KCNG2: variants seen among roughly 807,000 people sequenced by gnomAD.
KCNG2 encodes potassium voltage-gated channel modifier subfamily G member 2, also known as voltage-gated potassium channel regulatory subunit KCNG2.
Under a neutral mutation model 12.3 loss-of-function variants are expected in KCNG2, and 7 were observed. The ratio of observed to expected loss-of-function variants is 0.57; its 90% confidence interval spans 0.32 to 1.07. KCNG2 has a LOEUF of 1.07. Ranked by LOEUF, KCNG2 falls within the 50% of genes least tolerant of loss-of-function variation. The pLI is 0.04. For missense variants in KCNG2, 703 were observed against 726.0 expected, an observed-to-expected ratio of 0.97 and a Z score of 0.36; for synonymous variants, 414 against 351.4, an observed-to-expected ratio of 1.18 and a Z score of -1.99.
chr18:79,825,802 G>A (rs1162566858), intron 1 of KCNG2, among the ~76,000 whole-genome samples: 2 of 152,168 alleles, frequency 1.3e-5, no homozygotes, highest in African/African-American at 4.8e-5. Context: ...TCGTCTGGGG[G>A]AAAATACAGA....
intron 3 of KCNG2, among the ~76,000 whole-genome samples, chr18:79,882,075 CAT>C (rs1271030225): frequency 1.3e-5 from 2 of 151,850 alleles, no homozygotes; most frequent in Non-Finnish European, 3.0e-5. Context: ...TGGCCCTAAA[CAT>C]ATAACATTTA....
chr18:79,871,069 C>T (rs1048003777), intron 3 of KCNG2, among the ~76,000 whole-genome samples: 1 of 151,980 alleles, frequency 6.6e-6, no homozygotes, highest in Non-Finnish European at 1.5e-5. Flanking sequence ...TGGTTTCCGT[C>T]GAGCCTGAGG....
chr18:79,827,659 C>A lies in KCNG2; in HGVS notation c.-114-28720C>A, dbSNP rs377699896. Among the ~76,000 whole-genome samples, 109 of 152,182 alleles carry A rather than the reference C, an allele frequency of 7.2e-4. 1 individual carries two copies. In the East Asian group the frequency reaches 0.017, roughly 24 times the overall value. On this transcript the variant is annotated intron_variant, in intron 1 of 3. Coordinates refer to ENST00000316249, the MANE Select transcript of KCNG2 (RefSeq NM_012283.2). ...AGAAGAGCGGGGACTCAGCCTCCCC[C>A]CTGGATTTCGCTTCTTCTGAATGCA...
intron 3 of KCNG2, among the ~76,000 whole-genome samples, chr18:79,894,401 G>A (rs1342330257): frequency 6.7e-6 from 1 of 148,654 alleles, no homozygotes; most frequent in African/African-American, 2.5e-5. Context: ...TTTTGATTGG[G>A]TTGTTCATGC....
chr18:79,818,651 G>A (rs963046119), intron 1 of KCNG2, among the ~76,000 whole-genome samples: 3 of 152,328 alleles, frequency 2.0e-5, no homozygotes, highest in Admixed American at 2.0e-4. Context: ...GAAACTGCTC[G>A]TTCAAGGGCT....
intron 3 of KCNG2, among the ~76,000 whole-genome samples, chr18:79,872,280 G>GGTT (rs1330535927): frequency 2.7e-5 from 2 of 73,414 alleles, no homozygotes; most frequent in Non-Finnish European, 4.7e-5. Flanking sequence ...CAAAGCTTCA[G>GGTT]TTTTTTTTTT....
intron 3 of KCNG2, chr18:79,875,871 C>T (rs976190776): frequency 6.6e-6 from 1 of 152,478 alleles, no homozygotes; most frequent in African/African-American, 2.4e-5. Flanking sequence ...CCCCGATCCC[C>T]AATGCCCAGC....
intron 1 of KCNG2, among the ~76,000 whole-genome samples, chr18:79,842,848 G>A (rs1978504290): frequency 6.6e-6 from 1 of 152,098 alleles, no homozygotes; most frequent in Non-Finnish European, 1.5e-5. Flanking sequence ...AAATCCTAGA[G>A]ACTTATGGAC....
intron 1 of KCNG2, among the ~76,000 whole-genome samples, chr18:79,798,752 A>T (rs886100030): frequency 2.0e-5 from 3 of 152,166 alleles, no homozygotes; most frequent in Non-Finnish European, 4.4e-5. Flanking sequence ...CCGGGTCCGG[A>T]CTGTGGTCAC....
chr18:79,873,483 C>T (rs972544193), intron 3 of KCNG2, among the ~76,000 whole-genome samples: 1 of 151,022 alleles, frequency 6.6e-6, no homozygotes, highest in Non-Finnish European at 1.5e-5. Context: ...TGGCCACCGG[C>T]CCCTCTGAGC....
rs1980439661 is a variant in KCNG2 at position 79,884,385 on chromosome 18, G to T, written c.625-14655G>T. Among the ~76,000 whole-genome samples the T allele has an allele frequency of 6.6e-6, 1 of 152,194 alleles. No homozygotes were observed. Among genetic ancestry groups the T allele is most frequent in the Admixed American group, 6.5e-5 (1 of 15,286 alleles). On this transcript the variant is annotated intron_variant, in intron 3 of 3. Coordinates refer to ENST00000316249, the MANE Select transcript of KCNG2 (RefSeq NM_012283.2). This position sits in a 1 kb window ranked among gnomAD's most constrained non-coding sequence, Gnocchi z 5.5. ...AGCTCTGCAGCCCCCACCACTGCTG[G>T]ATTCCCGTCCTCCGGTGAGGGCGCC...
At chr18:79,799,803 G>T (rs2087393213) in intron 1 of KCNG2, among the ~76,000 whole-genome samples, 1 of 152,238 alleles carries the variant, frequency 6.6e-6, no homozygotes, top group Admixed American at 6.5e-5. Flanking sequence ...CGCACAGGAA[G>T]TGTGTGGGGG....
chr18:79,882,396 AAAAAC>A (rs1316173894), intron 3 of KCNG2, among the ~76,000 whole-genome samples: 4 of 77,234 alleles, frequency 5.2e-5, no homozygotes, highest in South Asian at 9.3e-4. Context: ...AAGAGAATGA[AAAAAC>A]AAGCCTCAGA....
chr18:79,846,374 CAAAAAAAA>C (rs11421957), intron 1 of KCNG2, among the ~76,000 whole-genome samples: 2 of 61,598 alleles, frequency 3.2e-5, no homozygotes, highest in African/African-American at 7.2e-5. Context: ...GACTCCGTCT[CAAAAAAAA>C]AAAAAAAAAA....
chr18:79,863,785 C>A lies in KCNG2; in HGVS notation c.118C>A (p.Leu40Ile), dbSNP rs781341350. ...LAWAALARCPLARLERLRACR... is the reference protein window; with the variant it reads ...LAWAALARCPIARLERLRACR... ...ATGGGCCGCGCTGGCGCGATGCCCC[C>A]TCGCGCGCCTGGAGCGCCTGCGCGC... Residue 40 changes from leucine to isoleucine, a missense_variant, in exon 3 of 4, where the codon CTC (leucine) becomes ATC (isoleucine). Physicochemically the swap from Leu to Ile is conservative, Grantham distance 5. Coordinates refer to ENST00000316249, the MANE Select transcript of KCNG2 (RefSeq NM_012283.2). 4.7e-6 allele frequency: 6 copies of A among 1,287,004 alleles called. No homozygotes were observed. The South Asian group carries it at 1.1e-4, about 24-fold the overall frequency. The allele number at this position is 1,287,004 out of a possible 1,614,324, so 79.7% of individuals were successfully genotyped here. A position where few individuals can be genotyped will look rare whatever the true frequency, so the allele number is the denominator to read the frequency against.
intron 2 of KCNG2, 61 bp from the exon 3 acceptor site, chr18:79,863,567 G>A (rs1258081072): frequency 3.6e-6 from 4 of 1,119,074 alleles, no homozygotes; most frequent in South Asian, 4.4e-5. Flanking sequence ...GGATCCCCGC[G>A]GGCGGACGCG....
intron 1 of KCNG2, among the ~76,000 whole-genome samples, chr18:79,818,369 C>T (rs1348795822): frequency 6.6e-6 from 1 of 152,228 alleles, no homozygotes; most frequent in African/African-American, 2.4e-5. Flanking sequence ...TTGGCCAGCC[C>T]GCGAGAGATG....
intron 2 of KCNG2, among the ~76,000 whole-genome samples, chr18:79,860,530 C>G (rs930781814): frequency 2.6e-5 from 4 of 152,106 alleles, no homozygotes; most frequent in African/African-American, 9.7e-5. Flanking sequence ...GTATTTTATT[C>G]TTTCTGATGC....
intron 1 of KCNG2, among the ~76,000 whole-genome samples, chr18:79,831,983 G>A (rs1978298665): frequency 6.6e-6 from 1 of 152,198 alleles, no homozygotes; most frequent in Non-Finnish European, 1.5e-5. Flanking sequence ...AGCCGTCAGA[G>A]CAAATGTCTA....
Sources: allele counts gnomAD v4.1 joint callset (sites outside exome capture counted in the v4.1 genomes callset), GRCh38; gene constraint gnomAD v4.1.1; non-coding constraint Gnocchi (gnomAD v3.1); transcripts MANE v1.5; gene names NCBI Gene and HGNC (gene_info 2026-07-23, HGNC 2026-07-21).